DNASE1: variants seen among roughly 807,000 people sequenced by gnomAD.
DNASE1 encodes the protein deoxyribonuclease 1, also known as deoxyribonuclease-1.
DNASE1 carries 40 observed loss-of-function variants against 33.9 expected under a neutral mutation model. The observed-to-expected ratio is 1.18, with a 90% confidence interval of 0.92 to 1.54. The LOEUF (loss-of-function observed/expected upper bound fraction) is 1.54, where lower values mean the gene tolerates loss of function less well. Among genes scored for constraint, DNASE1 ranks in the 40% most tolerant of loss-of-function variants. The pLI is 0.00. For synonymous variants in DNASE1, 216 were observed against 160.0 expected (o/e 1.35, Z -2.64); for missense variants, 518 against 372.6 (o/e 1.39, Z -3.21).
chr16:3,657,782 A>G lies in DNASE1; in HGVS notation c.767A>G (p.Asn256Ser). 1 of 1,613,970 alleles carries G rather than the reference A, an allele frequency of 6.2e-7. No homozygotes were observed. The highest frequency in any genetic ancestry group is 8.5e-7 in the Non-Finnish European group (1 of 1,180,012). Reference protein sequence around the residue: ...AVVPDSALPFNFQAAYGLSDQ... With the variant: ...AVVPDSALPFSFQAAYGLSDQ... ...GTTCCCGACTCGGCTCTTCCCTTTA[A>G]CTTCCAGGCTGCCTATGGCCTGAGT... Residue 256 changes from asparagine (N) to serine (S), a missense_variant, in exon 8 of 9, where the codon AAC (asparagine) becomes AGC (serine). Transcript: ENST00000246949.
Position 3,655,605 on chromosome 16 carries a change from G to C in DNASE1, c.147+85G>C, listed in dbSNP as rs370148929. The C allele has an allele frequency of 5.0e-6, 8 of 1,596,196 alleles. No individual in the cohort carries two copies. In the African/African-American group the frequency reaches 1.1e-4, roughly 21 times the overall value. On this transcript the variant is annotated intron_variant, in intron 2 of 8. Coordinates refer to ENST00000246949, the MANE Select transcript of DNASE1 (RefSeq NM_005223.4). ...GCAGGGCCAGCCCTATGGAGCCACA[G>C]GGTGTCGGGTGTGGGGTACTGAGCA...
At chr16:3,626,160 C>A (rs1231535080) in intron 1 of DNASE1, among the ~76,000 whole-genome samples, 6 of 150,968 alleles carry the variant, frequency 4.0e-5, no homozygotes, top group Non-Finnish European at 7.4e-5. Context: ...GGACTAGTAT[C>A]ATATGCACAA....
Position 3,656,129 on chromosome 16 carries a change from G to C in DNASE1, c.264G>C (p.Val88=). The C allele has an allele frequency of 3.7e-6, 6 of 1,614,062 alleles. No individual in the cohort carries two copies. Among genetic ancestry groups the C allele is most frequent in the Non-Finnish European group, 5.1e-6 (6 of 1,179,968 alleles). ...ATGCACCAGACACCTATCACTACGTGGTCAGTGAGCCACTGGGACGGAACA... is the reference window on the plus strand; with the variant it reads ...ATGCACCAGACACCTATCACTACGTCGTCAGTGAGCCACTGGGACGGAACA... ...NQDAPDTYHY[V]VSEPLGRNSY... Residue 88 remains valine (V), a synonymous_variant, in exon 4 of 9, where the codon GTG becomes GTC. Coordinates refer to ENST00000246949, the MANE Select transcript of DNASE1 (RefSeq NM_005223.4).
At chr16:3,661,457 T>A (rs1288309400), downstream of DNASE1, 1 of 151,818 alleles carries the variant, frequency 6.6e-6, no homozygotes, top group African/African-American at 2.4e-5. Flanking sequence ...CCCAGACACG[T>A]GGACAAGAAT....
At chr16:3,664,333 T>C (rs1567224056) in exon 10 of DNASE1, 1 of 1,612,670 alleles carries the variant, frequency 6.2e-7, no homozygotes, top group East Asian at 2.2e-5. Context: ...AGGTGACGGT[T>C]GGGGGCGCAC....
chr16:3,661,960 C>A, downstream of DNASE1: 1 of 1,572,304 alleles, frequency 6.4e-7, no homozygotes. Context: ...ATCCCACAGG[C>A]TGGAAGAGCC....
intron 1 of DNASE1, among the ~76,000 whole-genome samples, chr16:3,624,675 A>G (rs990160940): frequency 1.3e-5 from 2 of 151,838 alleles, no homozygotes; most frequent in African/African-American, 2.4e-5. Flanking sequence ...TTTGCAATCA[A>G]TTTTTCTTTT....
chr16:3,645,171 G>A (rs1486158979), intron 1 of DNASE1, among the ~76,000 whole-genome samples: 1 of 151,976 alleles, frequency 6.6e-6, no homozygotes, highest in African/African-American at 2.4e-5. Flanking sequence ...AAAATCCCTT[G>A]CAACTACCAC....
intron 5 of DNASE1, 35 bp from the exon 6 acceptor site, chr16:3,656,964 G>C (rs1172381829): frequency 1.2e-6 from 2 of 1,607,412 alleles, no homozygotes; most frequent in Non-Finnish European, 1.7e-6. Flanking sequence ...CTGCCCCCAG[G>C]GAGTGTGCCT....
At chr16:3,617,242 C>G (rs1009052845) in intron 1 of DNASE1, among the ~76,000 whole-genome samples, 4 of 144,424 alleles carry the variant, frequency 2.8e-5, no homozygotes, top group African/African-American at 1.0e-4. Flanking sequence ...AGGAGAATCG[C>G]TTGAACCCGG....
rs548136077 is a variant in DNASE1 at position 3,629,137 on chromosome 16, A to C, written c.-1358-11578A>C. ...CAGTGAGCCGAGATTGCGCCACTGC[A>C]CTCCAGCCTGGGCGACAGAGCAAGA... On this transcript the variant is annotated intron_variant and NMD_transcript_variant, in intron 1 of 11. Transcript: ENST00000570769. 6.9e-5 allele frequency among the ~76,000 whole-genome samples: 10 copies of C among 144,238 alleles called. No individual in the cohort carries two copies. In the South Asian group the frequency reaches 2.0e-3, roughly 28 times the overall value. The allele number at this position is 144,238 out of a possible 152,430, so 94.6% of individuals were successfully genotyped here.
intron 2 of DNASE1, 88 bp from the exon 3 acceptor site, chr16:3,655,761 C>T (rs917407739): frequency 7.6e-5 from 117 of 1,532,790 alleles, no homozygotes; most frequent in Non-Finnish European, 9.5e-5. Flanking sequence ...AGCAATGCCA[C>T]GAGCATCAGC....
chr16:3,651,440 G>C (rs2042333673), upstream of DNASE1: 1 of 152,220 alleles, frequency 6.6e-6, no homozygotes, highest in African/African-American at 2.4e-5. Context: ...ATTCTCTGTG[G>C]ATGTGAAAAT....
Position 3,656,772 on chromosome 16 carries a change from A to G in DNASE1, c.436+19A>G. On this transcript the variant is annotated intron_variant, in intron 5 of 8. Transcript: ENST00000246949. ...TTCACAGGTGGGTGCTGCCTGGGCC[A>G]GGGTGGGGCTCGGCTTGGCGCTTAT... 1.3e-6 allele frequency: 2 copies of G among 1,591,306 alleles called. No homozygotes were observed. Among genetic ancestry groups the G allele is most frequent in the Non-Finnish European group, 8.6e-7 (1 of 1,168,930 alleles).
chr16:3,626,081 C>T (rs1047301960), intron 1 of DNASE1, among the ~76,000 whole-genome samples: 4 of 151,934 alleles, frequency 2.6e-5, no homozygotes, highest in Non-Finnish European at 5.9e-5. Context: ...GCCTGGGCAG[C>T]AGAGCAAGAC....
intron 1 of DNASE1, among the ~76,000 whole-genome samples, chr16:3,613,146 A>G (rs770274754): frequency 4.6e-5 from 7 of 150,674 alleles, no homozygotes; most frequent in East Asian, 3.9e-4. Flanking sequence ...AATTCCCCCG[A>G]CCCCATCCCC....
At chr16:3,628,647 C>T (rs1321856460) in intron 1 of DNASE1, among the ~76,000 whole-genome samples, 3 of 151,382 alleles carry the variant, frequency 2.0e-5, no homozygotes, top group African/African-American at 7.3e-5. Context: ...AAACCTCCGC[C>T]TCCCGGGTTC....
At chr16:3,629,797 T>G (rs992881093) in intron 1 of DNASE1, among the ~76,000 whole-genome samples, 2 of 151,652 alleles carry the variant, frequency 1.3e-5, no homozygotes, top group African/African-American at 2.4e-5. Flanking sequence ...TGATTTAGTC[T>G]TGGTAGGGGT....
intron 1 of DNASE1, among the ~76,000 whole-genome samples, chr16:3,632,360 C>A (rs2041725911): frequency 6.6e-6 from 1 of 152,112 alleles, no homozygotes; most frequent in Non-Finnish European, 1.5e-5. Flanking sequence ...CCTTGCAGTT[C>A]TTAGTTTTTG....
Sources: gnomAD v4.1 joint callset for allele counts (sites outside exome capture counted in the v4.1 genomes callset) on GRCh38, gnomAD v4.1.1 for gene constraint, MANE v1.5 for transcripts, NCBI Gene and HGNC (gene_info 2026-07-23, HGNC 2026-07-21) for gene names.